The following SIGIRR variants were observed in gnomAD, a reference collection of about 807,000 sequenced individuals.
The protein encoded by SIGIRR is single Ig IL-1-related receptor.
In SIGIRR, 41 loss-of-function variants were observed where a neutral mutation model predicts 45.6. That is an observed-to-expected ratio of 0.90 (90% confidence interval 0.70 to 1.17). SIGIRR has a LOEUF of 1.17. SIGIRR is among the 50% of genes most tolerant of loss of function. SIGIRR has a pLI of 0.00. For synonymous variants in SIGIRR, 298 were observed against 239.0 expected (o/e 1.25, Z -2.28); for missense variants, 599 against 539.6 (o/e 1.11, Z -1.09).
Position 407,115 on chromosome 11 carries a change from GAT to G in SIGIRR, c.673_674del (p.Ile225ArgfsTer115). On this transcript the variant is annotated frameshift_variant, in exon 7 of 10. Transcript: ENST00000431843. LOFTEE classifies it high-confidence loss of function. The part of the protein sequence containing the change: ...LVNLSRCRRL[I>X]VVLSDAFLSR... Reference sequence around the variant, plus strand: ...TCAGGAAGGCGTCCGAAAGCACCACGATGAGGCGTCGGCAGCGGCTCAGGTTC... The same window carrying G: ...TCAGGAAGGCGTCCGAAAGCACCACGGAGGCGTCGGCAGCGGCTCAGGTTC... The G allele has an allele frequency of 1.3e-6, 2 of 1,544,496 alleles. No homozygotes were observed. Among genetic ancestry groups the G allele is most frequent in the Non-Finnish European group, 1.7e-6 (2 of 1,151,182 alleles).
chr11:408,148 T>C lies in SIGIRR; in HGVS notation c.265A>G (p.Ser89Gly). ...GTGAAGGCCCCATAGACTTCAGTGC[T>C]GGTCACGTTGACCCCCAGGACACTG... ...VSSVLGVNVTSTEVYGAFTCS... is the reference protein window; with the variant it reads ...VSSVLGVNVTGTEVYGAFTCS... Residue 89 changes from serine (S) to glycine (G), a missense_variant, in exon 4 of 10, where the codon AGC becomes GGC. Coordinates refer to ENST00000431843, the MANE Select transcript of SIGIRR (RefSeq NM_001135054.2). The C allele has an allele frequency of 6.2e-7, 1 of 1,612,798 alleles. No individual in the cohort carries two copies. Among genetic ancestry groups the C allele is most frequent in the Non-Finnish European group, 8.5e-7 (1 of 1,179,960 alleles).
chr11:406,980 G>T lies in SIGIRR; in HGVS notation c.742C>A (p.Arg248=). ...GGTCTGCGGGTGAGCTCCAGCAGCC[G>T]GCACAGGCCCTCCCTGCGGGGCGGG... ...CSHSFREGLC[R]LLELTRRPIF... is the part of the protein sequence containing the mutation. Residue 248 remains arginine (R), a synonymous_variant, in exon 8 of 10, where the codon CGG becomes AGG. Coordinates refer to ENST00000431843, the MANE Select transcript of SIGIRR (RefSeq NM_001135054.2). 2 of 1,600,380 alleles carry T rather than the reference G, an allele frequency of 1.2e-6. No homozygotes were observed. Among genetic ancestry groups the T allele is most frequent in the Non-Finnish European group, 1.7e-6 (2 of 1,176,910 alleles).
At chr11:415,722 C>T (rs1016730763), upstream of SIGIRR, among the ~76,000 whole-genome samples, 1 of 152,184 alleles carries the variant, frequency 6.6e-6, no homozygotes, top group African/African-American at 2.4e-5. This position sits in a 1 kb window ranked among gnomAD's most constrained non-coding sequence, Gnocchi z 6.6. Context: ...GGAGCAAACA[C>T]AGGTGGCCGA....
intron 2 of SIGIRR, 21 bp from the exon 3 acceptor site, chr11:408,914 G>A (rs1035162731): frequency 1.2e-6 from 2 of 1,610,798 alleles, no homozygotes; most frequent in African/African-American, 2.7e-5. Flanking sequence ...AGGACACAGT[G>A]GGTCAGCTGT....
At chr11:414,710 G>A (rs904548701) in intron 1 of SIGIRR, 113 bp downstream of exon 1, 2 of 712,396 alleles carry the variant, frequency 2.8e-6, no homozygotes, top group African/African-American at 1.9e-5. Flanking sequence ...GCTGCCCCTC[G>A]CTCTGTCTCA....
intron 2 of SIGIRR, 120 bp downstream of exon 2, chr11:409,748 C>A: frequency 8.6e-7 from 1 of 1,169,022 alleles, no homozygotes; most frequent in Non-Finnish European, 1.1e-6. Context: ...GCCTTTGTAC[C>A]CCCGGCATGT....
chr11:406,151 T>G, intron 9 of SIGIRR, 92 bp from the exon 10 acceptor site: 2 of 1,538,028 alleles, frequency 1.3e-6, no homozygotes, highest in African/African-American at 1.4e-5. Context: ...CCCCCTGCTG[T>G]GATGGCCTGT....
rs1225565944 is a variant in SIGIRR at position 406,370 on chromosome 11, G to C, written c.1048C>G (p.Pro350Ala). 1.2e-6 allele frequency: 2 copies of C among 1,612,472 alleles called. No homozygotes were observed. Among genetic ancestry groups the C allele is most frequent in the African/African-American group, 1.3e-5 (1 of 74,930 alleles). ...EGRALDSEVD[P>A]DPEGDLGVRG... ...ATACCCAGGTCGCCCTCAGGGTCCG[G>C]GTCCACCTCTGAGTCCAGGGCCCGG... The change falls in exon 9 of 10, where the codon CCG (proline) becomes GCG (alanine). Residue 350 changes from proline (P) to alanine (A), a missense_variant. By Grantham distance (27) the Pro-to-Ala change is conservative. Transcript: ENST00000431843.
In SIGIRR at chr11:408,064, C is replaced by G. The variant is rs772099766; in HGVS notation, c.340+9G>C. 3 of 1,612,594 alleles carry G rather than the reference C, an allele frequency of 1.9e-6. No individual in the cohort carries two copies. In the South Asian group the frequency reaches 3.3e-5, roughly 18 times the overall value. ...CCTTCTACCCTCCACCTTGGGGAACCCCCATCACCAGCTCTCTGAAGAGTG... is the reference window on the plus strand; with the variant it reads ...CCTTCTACCCTCCACCTTGGGGAACGCCCATCACCAGCTCTCTGAAGAGTG... On this transcript the variant is annotated intron_variant, in intron 4 of 9. Transcript: ENST00000431843.
At chr11:415,207 CGTGTGTGT>C (rs71022908), upstream of SIGIRR, among the ~76,000 whole-genome samples, 1,549 of 144,554 alleles carry the variant, frequency 0.011, 29 homozygotes, top group African/African-American at 0.036. The surrounding 1 kb of genome is among the most constrained non-coding windows in gnomAD (Gnocchi z 6.6). Flanking sequence ...CTCTGTGCAG[CGTGTGTGT>C]GTGTGTGTGT....
At chr11:410,627 G>T (rs182256445) in intron 1 of SIGIRR, among the ~76,000 whole-genome samples, 1 of 68,316 alleles carries the variant, frequency 1.5e-5, no homozygotes, top group Non-Finnish European at 3.2e-5. Context: ...GTCGGGGGGG[G>T]GGGGTGCCCA....
In SIGIRR at chr11:412,637, A is replaced by G. The variant is rs545806708; in HGVS notation, c.-154+2186T>C. Among the ~76,000 whole-genome samples, 41 of 30,744 alleles carry G rather than the reference A, an allele frequency of 1.3e-3. 2 individuals carry two copies. Among genetic ancestry groups the G allele is most frequent in the African/African-American group, 6.9e-3 (37 of 5,400 alleles). The allele number at this position is 30,744 out of a possible 152,430, so 20.2% of individuals were successfully genotyped here. On this transcript the variant is annotated intron_variant, in intron 1 of 9. Coordinates refer to ENST00000431843, the MANE Select transcript of SIGIRR (RefSeq NM_001135054.2). ...TGCCCAGCTCTGAACATGTCTGGAT[A>G]CAGTCGGGGAGGGGTGCTCAGCTCT...
intron 3 of SIGIRR, 63 bp from the exon 4 acceptor site, chr11:408,269 C>T: frequency 1.3e-6 from 2 of 1,579,666 alleles, no homozygotes; most frequent in Non-Finnish European, 1.7e-6. Context: ...CCGAACCCCA[C>T]CTGTCTGGGT....
chr11:406,240 G>C (rs1393825444), intron 9 of SIGIRR, 109 bp downstream of exon 9: 3 of 1,543,926 alleles, frequency 1.9e-6, no homozygotes, highest in South Asian at 2.4e-5. Flanking sequence ...CCGGTGCCGG[G>C]AAGAGTCCTC....
rs754694760 is a variant in SIGIRR at position 406,558 on chromosome 11, G to A, written c.880-20C>T. 1.9e-6 allele frequency: 3 copies of A among 1,597,236 alleles called. No homozygotes were observed. Among genetic ancestry groups the A allele is most frequent in the South Asian group, 1.1e-5 (1 of 89,182 alleles). Reference sequence around the variant, plus strand: ...AGGAGTCTGGGGGCCAGGTCGGGGCGGTTTGCAGGTGTGAACACCTCGGAA... The same window carrying A: ...AGGAGTCTGGGGGCCAGGTCGGGGCAGTTTGCAGGTGTGAACACCTCGGAA... On this transcript the variant is annotated intron_variant, in intron 8 of 9. Coordinates refer to ENST00000431843, the MANE Select transcript of SIGIRR (RefSeq NM_001135054.2).
intron 1 of SIGIRR, among the ~76,000 whole-genome samples, chr11:410,787 G>T (rs1488226449): frequency 4.7e-5 from 3 of 64,094 alleles, no homozygotes; most frequent in Non-Finnish European, 3.2e-5. Context: ...AGTCGGGGGG[G>T]GGTGCCCAGC....
Position 408,060 on chromosome 11 carries a change from G to T in SIGIRR, c.340+13C>A. ...GTCCCCTTCTACCCTCCACCTTGGG[G>T]AACCCCCATCACCAGCTCTCTGAAG... On this transcript the variant is annotated intron_variant, in intron 4 of 9. Transcript: ENST00000431843. 1 of 1,612,574 alleles carries T rather than the reference G, an allele frequency of 6.2e-7. No homozygotes were observed. The highest frequency in any genetic ancestry group is 8.5e-7 in the Non-Finnish European group (1 of 1,179,848).
intron 1 of SIGIRR, among the ~76,000 whole-genome samples, chr11:412,856 G>A (rs564647260): frequency 1.2e-4 from 19 of 152,244 alleles, no homozygotes; most frequent in African/African-American, 2.6e-4. Context: ...TTGTGAGGCC[G>A]GAGGGTGAAC....
intron 1 of SIGIRR, 93 bp downstream of exon 1, chr11:414,720 ACACACACATG>A (rs370589930): frequency 8.9e-6 from 7 of 788,222 alleles, no homozygotes; most frequent in African/African-American, 1.9e-5. Context: ...GCTCTGTCTC[ACACACACATG>A]CACACACATG....
Sources: gnomAD v4.1 joint callset for allele counts (sites outside exome capture counted in the v4.1 genomes callset) on GRCh38, gnomAD v4.1.1 for gene constraint, Gnocchi (gnomAD v3.1) non-coding constraint, MANE v1.5 for transcripts, NCBI Gene and HGNC (gene_info 2026-07-23, HGNC 2026-07-21) for gene names.